DOCK1: variants seen among roughly 807,000 people sequenced by gnomAD.
DOCK1 encodes dedicator of cytokinesis protein 1.
In DOCK1, 138 loss-of-function variants were observed where a neutral mutation model predicts 262.7. That is an observed-to-expected ratio of 0.53 (90% CI 0.46 to 0.61). The LOEUF (loss-of-function observed/expected upper bound fraction) is 0.61, where lower values mean the gene tolerates loss of function less well. DOCK1 is among the 20% of genes least tolerant of loss of function. The pLI, the probability that DOCK1 is intolerant of heterozygous loss-of-function variation, is 0.00. For missense variants in DOCK1, 1,908 were observed against 2,370.7 expected, an observed-to-expected ratio of 0.80 and a Z score of 4.05; for synonymous variants, 866 against 867.4, an observed-to-expected ratio of 1.00 and a Z score of 0.03.
intron 1 of DOCK1, among the ~76,000 whole-genome samples, chr10:126,953,294 GGTA>G (rs1470340261): frequency 1.3e-5 from 2 of 151,290 alleles, no homozygotes; most frequent in African/African-American, 4.9e-5. Flanking sequence ...GTGGTGTGGT[GGTA>G]GTGGTGATGG....
At chr10:127,409,488 C>T in intron 42 of DOCK1, 97 bp downstream of exon 42, 1 of 1,327,502 alleles carries the variant, frequency 7.5e-7, no homozygotes, top group Non-Finnish European at 1.1e-6. Context: ...CGGACTTTGG[C>T]CATGGATTCG....
intron 46 of DOCK1, among the ~76,000 whole-genome samples, chr10:127,425,408 A>C (rs2068754060): frequency 1.3e-5 from 2 of 152,348 alleles, no homozygotes; most frequent in Non-Finnish European, 1.5e-5. Flanking sequence ...TTTAAAGAAG[A>C]ATAAATTTGG....
At chr10:127,124,961 A>T (rs759489853) in intron 25 of DOCK1, among the ~76,000 whole-genome samples, 8 of 152,150 alleles carry the variant, frequency 5.3e-5, no homozygotes, top group Non-Finnish European at 7.3e-5. Context: ...AAAATAAAAA[A>T]AAAAAATTAG....
chr10:127,159,838 G>T (rs967890242), intron 27 of DOCK1, among the ~76,000 whole-genome samples: 7 of 152,142 alleles, frequency 4.6e-5, no homozygotes, highest in African/African-American at 1.4e-4. Flanking sequence ...CAGCCTGAGA[G>T]CCGCACCATG....
chr10:127,257,476 C>A, intron 29 of DOCK1, 47 bp downstream of exon 29: 2 of 1,520,044 alleles, frequency 1.3e-6, no homozygotes, highest in Non-Finnish European at 1.8e-6. Flanking sequence ...GCTCCCAATT[C>A]ATGTCTGCTG....
At chr10:127,449,665 G>A (rs2134866393) in intron 51 of DOCK1, among the ~76,000 whole-genome samples, 1 of 152,298 alleles carries the variant, frequency 6.6e-6, no homozygotes, top group Non-Finnish European at 1.5e-5. Context: ...GGCAGAAGCG[G>A]TTGCATTTCC....
At chr10:127,397,262 GCGGCGAC>G (rs2066931840) in intron 38 of DOCK1, among the ~76,000 whole-genome samples, 1 of 144,392 alleles carries the variant, frequency 6.9e-6, no homozygotes. Context: ...AGTTACACGG[GCGGCGAC>G]TCCTATGTGA....
In DOCK1 at chr10:127,220,996, T is replaced by G. The variant is rs79258424; in HGVS notation, c.2848-27012T>G. Reference sequence around the variant, plus strand: ...GGGGATAACTGTGCACTCACCAGTTTAGATGTGTGGTTGCTAAGAGTCACG... The same window carrying G: ...GGGGATAACTGTGCACTCACCAGTTGAGATGTGTGGTTGCTAAGAGTCACG... On this transcript the variant is annotated intron_variant, in intron 27 of 51. Transcript: ENST00000623213. Among the ~76,000 whole-genome samples, 293 of 152,314 alleles carry G rather than the reference T, an allele frequency of 1.9e-3. 3 individuals carry two copies. Among genetic ancestry groups the G allele is most frequent in the African/African-American group, 6.8e-3 (283 of 41,574 alleles).
At chr10:127,296,108 C>T (rs563734805) in intron 29 of DOCK1, among the ~76,000 whole-genome samples, 67 of 152,300 alleles carry the variant, frequency 4.4e-4, no homozygotes, top group African/African-American at 1.6e-3. Flanking sequence ...CGTATAATTT[C>T]TGAGGCCTCT....
intron 22 of DOCK1, among the ~76,000 whole-genome samples, chr10:127,061,269 A>G (rs1199361908): frequency 6.6e-6 from 1 of 152,198 alleles, no homozygotes; most frequent in East Asian, 1.9e-4. Flanking sequence ...CACTGGTAGA[A>G]AACACAACTG....
intron 1 of DOCK1, among the ~76,000 whole-genome samples, chr10:126,945,452 GGAAAGA>G (rs1282238307): frequency 6.6e-5 from 10 of 151,200 alleles, no homozygotes; most frequent in African/African-American, 2.4e-4. Flanking sequence ...GGGGAGAAGG[GGAAAGA>G]GAGAGAGAGA....
chr10:127,053,539 G>T (rs1038459583), intron 22 of DOCK1, among the ~76,000 whole-genome samples: 1 of 152,186 alleles, frequency 6.6e-6, no homozygotes, highest in Non-Finnish European at 1.5e-5. Flanking sequence ...GTTTTCACAC[G>T]CTGTGTGGAT....
At chr10:126,997,217 T>C (rs371391060) in intron 7 of DOCK1, among the ~76,000 whole-genome samples, 28 of 152,310 alleles carry the variant, frequency 1.8e-4, no homozygotes, top group African/African-American at 6.7e-4. Flanking sequence ...TCCAAGCTCA[T>C]TGAGGGCAGA....
At chr10:127,324,394 G>A (rs1564992947) in intron 29 of DOCK1, among the ~76,000 whole-genome samples, 1 of 152,184 alleles carries the variant, frequency 6.6e-6, no homozygotes, top group Admixed American at 6.5e-5. Context: ...TAGATTTCTT[G>A]CAGGGCAGAT....
intron 29 of DOCK1, among the ~76,000 whole-genome samples, chr10:127,270,701 C>A (rs2060531303): frequency 1.3e-5 from 2 of 152,108 alleles, no homozygotes; most frequent in African/African-American, 4.8e-5. Flanking sequence ...TCCTTTCCAA[C>A]AAGACTTCAG....
At chr10:127,061,998 G>C (rs2045567349) in intron 23 of DOCK1, among the ~76,000 whole-genome samples, 1 of 137,490 alleles carries the variant, frequency 7.3e-6, no homozygotes, top group Admixed American at 7.8e-5. Flanking sequence ...GTGCAGTGGT[G>C]TGATCTCAGC....
rs559059080 is a variant in DOCK1 at position 127,363,791 on chromosome 10, C to T, written c.3432+1579C>T. 4.6e-5 allele frequency among the ~76,000 whole-genome samples: 7 copies of T among 152,214 alleles called. No homozygotes were observed. In the East Asian group the frequency reaches 9.7e-4, roughly 21 times the overall value. ...TTTCCTAGAACAGAAAAGAGAGATACGAAACCAAAACAGTCTCCACACTGT... is the reference window on the plus strand; with the variant it reads ...TTTCCTAGAACAGAAAAGAGAGATATGAAACCAAAACAGTCTCCACACTGT... On this transcript the variant is annotated intron_variant, in intron 33 of 51. Transcript: ENST00000623213.
At chr10:127,131,267 A>G (rs2050308454) in intron 27 of DOCK1, among the ~76,000 whole-genome samples, 1 of 152,146 alleles carries the variant, frequency 6.6e-6, no homozygotes, top group Admixed American at 6.5e-5. Flanking sequence ...CTCCAGAACC[A>G]TCCTCCACAG....
intron 27 of DOCK1, among the ~76,000 whole-genome samples, chr10:127,155,140 A>G (rs528319254): frequency 6.6e-6 from 1 of 152,358 alleles, no homozygotes; most frequent in East Asian, 1.9e-4. Flanking sequence ...AACAGTGTGC[A>G]CAGAAGGTCT....
Sources: allele counts gnomAD v4.1 joint callset (sites outside exome capture counted in the v4.1 genomes callset), GRCh38; gene constraint gnomAD v4.1.1; transcripts MANE v1.5; gene names NCBI Gene and HGNC (gene_info 2026-07-23, HGNC 2026-07-21).